The following RNASEH2A variants were observed in gnomAD, a reference collection of about 807,000 sequenced individuals.
The protein encoded by RNASEH2A is RNase H(35).
A neutral mutation model predicts 32.7 loss-of-function variants in RNASEH2A; 30 were observed. The ratio of observed to expected loss-of-function variants is 0.92; its 90% CI spans 0.69 to 1.25. The LOEUF (loss-of-function observed/expected upper bound fraction) is 1.25, where lower values mean the gene tolerates loss of function less well. RNASEH2A is among the 50% of genes most tolerant of loss of function. The pLI, the probability that RNASEH2A is intolerant of heterozygous loss-of-function variation, is 0.00. For missense variants in RNASEH2A, 409 were observed against 398.1 expected (o/e 1.03, Z -0.23); for synonymous variants, 147 against 165.4 (o/e 0.89, Z 0.86).
In RNASEH2A at chr19:12,813,500, A is replaced by G. The variant is rs776379416; in HGVS notation, c.*34A>G. On this transcript the variant is annotated 3_prime_UTR_variant, in exon 8 of 8. Coordinates refer to ENST00000221486, the MANE Select transcript of RNASEH2A (RefSeq NM_006397.3). Reference sequence around the variant, plus strand: ...TCTACGCGCTCTACCTGCTTCCCCAACCCAGACATTAAAATTGTTTAAGGA... The same window carrying G: ...TCTACGCGCTCTACCTGCTTCCCCAGCCCAGACATTAAAATTGTTTAAGGA... 4 of 1,609,566 alleles carry G rather than the reference A, an allele frequency of 2.5e-6. No individual in the cohort carries two copies. The highest frequency in any genetic ancestry group is 1.3e-5 in the African/African-American group (1 of 74,888).
chr19:12,809,747 C>T (rs969249018), intron 4 of RNASEH2A, among the ~76,000 whole-genome samples: 1 of 151,866 alleles, frequency 6.6e-6, no homozygotes, highest in African/African-American at 2.4e-5. Flanking sequence ...AAAGCCTCTT[C>T]AGGAGGTGAG....
At chr19:12,813,001 C>G in intron 6 of RNASEH2A, 82 bp from the exon 7 acceptor site, 1 of 1,595,860 alleles carries the variant, frequency 6.3e-7, no homozygotes, top group Non-Finnish European at 8.5e-7. Flanking sequence ...GGGACTCCAT[C>G]TCAAAGAAAA....
At chr19:12,813,044 G>T (rs764219625) in intron 6 of RNASEH2A, 39 bp from the exon 7 acceptor site, 8 of 1,613,008 alleles carry the variant, frequency 5.0e-6, no homozygotes, top group Non-Finnish European at 6.8e-6. Context: ...GAATGTTATG[G>T]TGCAACTTGG....
In RNASEH2A at chr19:12,813,203, T is replaced by C. The variant is rs145662304; in HGVS notation, c.758T>C (p.Ile253Thr). ...CTGGAGAAAGAGGCGGAAGATGTTA[T>C]ATGGTGGGTGTCATGGATGTCCTGG... ...TILEKEAEDVIWEDSASENQE... is the reference protein window; with the variant it reads ...TILEKEAEDVTWEDSASENQE... Residue 253 changes from isoleucine (I) to threonine (T), a missense_variant, in exon 7 of 8, where the codon ATA becomes ACA. Transcript: ENST00000221486. 210 of 1,613,982 alleles carry C rather than the reference T, an allele frequency of 1.3e-4. No homozygotes were observed. The African/African-American group carries it at 2.3e-3, about 18-fold the overall frequency.
intron 1 of RNASEH2A, 74 bp downstream of exon 1, chr19:12,806,874 C>T (rs1968999851): frequency 3.8e-6 from 6 of 1,595,390 alleles, no homozygotes; most frequent in Admixed American, 1.7e-5. Context: ...GATTGCACTG[C>T]ACCAAGGGAG....
intron 6 of RNASEH2A, among the ~76,000 whole-genome samples, chr19:12,810,882 C>A (rs543241377): frequency 6.6e-6 from 1 of 151,836 alleles, no homozygotes; most frequent in Non-Finnish European, 1.5e-5. Context: ...AGGCTGGTCT[C>A]AAATTCCTGG....
rs1262012443 is a variant in RNASEH2A at position 12,806,751 on chromosome 19, G to T, written c.78G>T (p.Lys26Asn). The T allele has an allele frequency of 6.4e-7, 1 of 1,573,696 alleles. No individual in the cohort carries two copies. The highest frequency in any genetic ancestry group is 1.7e-4 in the Middle Eastern group (1 of 5,884). The change falls in exon 1 of 8, where the codon AAG (lysine) becomes AAT (asparagine). Residue 26 changes from lysine to asparagine, a missense_variant. By Grantham distance (94) the Lys-to-Asn change is moderately conservative. Transcript: ENST00000221486. ...CGCCTGTGCCCGCGGTGTGCCGCAAGGAGCCTTGCGTCCTGGGCGTCGATG... is the reference window on the plus strand; with the variant it reads ...CGCCTGTGCCCGCGGTGTGCCGCAATGAGCCTTGCGTCCTGGGCGTCGATG... ...LSSPVPAVCRKEPCVLGVDEA... is the reference protein window; with the variant it reads ...LSSPVPAVCRNEPCVLGVDEA...
chr19:12,806,893 G>C, intron 1 of RNASEH2A, 93 bp downstream of exon 1: 1 of 1,598,008 alleles, frequency 6.3e-7, no homozygotes, highest in Non-Finnish European at 8.5e-7. Context: ...AGGGGATGTG[G>C]TCGTGGTGAT....
Position 12,813,514 on chromosome 19 carries a change from A to G in RNASEH2A, c.*48A>G. 2 of 1,607,438 alleles carry G rather than the reference A, an allele frequency of 1.2e-6. No homozygotes were observed. The highest frequency in any genetic ancestry group is 1.7e-6 in the Non-Finnish European group (2 of 1,179,802). ...CTGCTTCCCCAACCCAGACATTAAAATTGTTTAAGGAGAACCACACGTAGG... is the reference window on the plus strand; with the variant it reads ...CTGCTTCCCCAACCCAGACATTAAAGTTGTTTAAGGAGAACCACACGTAGG... On this transcript the variant is annotated 3_prime_UTR_variant, in exon 8 of 8. Transcript: ENST00000221486.
chr19:12,811,336 G>A (rs550108536), intron 6 of RNASEH2A, among the ~76,000 whole-genome samples: 2 of 152,250 alleles, frequency 1.3e-5, no homozygotes, highest in South Asian at 2.1e-4. Flanking sequence ...GGGACCAGGC[G>A]TGGTGGCTCA....
chr19:12,813,078 C>T lies in RNASEH2A; in HGVS notation c.638-5C>T. 6.2e-7 allele frequency: 1 copy of T among 1,614,090 alleles called. No individual in the cohort carries two copies. Among genetic ancestry groups the T allele is most frequent in the South Asian group, 1.1e-5 (1 of 91,078 alleles). Reference sequence around the variant, plus strand: ...GGACTGTCACCATTGCCCACCCTACCCCAGATCCCAAGACAAAAGCGTGGT... The same window carrying T: ...GGACTGTCACCATTGCCCACCCTACTCCAGATCCCAAGACAAAAGCGTGGT... On this transcript the variant is annotated splice_polypyrimidine_tract_variant and splice_region_variant and intron_variant, in intron 6 of 7. Transcript: ENST00000221486.
At chr19:12,807,988 C>A in intron 4 of RNASEH2A, 2 of 216,198 alleles carry the variant, frequency 9.3e-6, no homozygotes, top group Non-Finnish European at 1.9e-5. Context: ...CAGTGGCTCA[C>A]GGCTGTAATC....
rs1272599000 is a variant in RNASEH2A at position 12,806,606 on chromosome 19, GA to G, written c.-64del. On this transcript the variant is annotated 5_prime_UTR_variant, in exon 1 of 8. Transcript: ENST00000221486. The stretch of plus-strand genomic sequence containing the variant: ...AGCAGGCGCCGCTTCGAGGCCCGCG[GA>G]AAACGCGCGCCGAGACCCGCTCCTG... The G allele has an allele frequency of 8.4e-6, 13 of 1,548,782 alleles. No individual in the cohort carries two copies. Among genetic ancestry groups the G allele is most frequent in the Middle Eastern group, 1.7e-4 (1 of 5,754 alleles).
intron 4 of RNASEH2A, chr19:12,807,719 G>T: frequency 1.7e-6 from 1 of 588,102 alleles, no homozygotes; most frequent in Non-Finnish European, 3.1e-6. Context: ...ATCACCGGAG[G>T]TCAAGAGTTC....
intron 6 of RNASEH2A, among the ~76,000 whole-genome samples, chr19:12,812,066 C>T (rs1969081566): frequency 6.6e-6 from 1 of 151,880 alleles, no homozygotes; most frequent in African/African-American, 2.4e-5. Context: ...GACAAGACCC[C>T]ATCTCTACAA....
intron 6 of RNASEH2A, among the ~76,000 whole-genome samples, chr19:12,812,082 A>G (rs1256791668): frequency 1.3e-5 from 2 of 152,082 alleles, no homozygotes; most frequent in Non-Finnish European, 2.9e-5. Context: ...TACAAAAAAT[A>G]CAAAAATTAG....
intron 4 of RNASEH2A, among the ~76,000 whole-genome samples, chr19:12,809,861 G>A (rs1274249997): frequency 3.4e-4 from 51 of 152,172 alleles, no homozygotes; most frequent in Non-Finnish European, 4.4e-5. Context: ...CGATCCTCCC[G>A]CCTCAGCCTC....
intron 6 of RNASEH2A, 26 bp downstream of exon 6, chr19:12,810,430 T>C: frequency 3.1e-6 from 5 of 1,593,752 alleles, no homozygotes; most frequent in Non-Finnish European, 4.3e-6. Context: ...ACCATGGTAC[T>C]AATGTTGAAA....
At chr19:12,810,253 A>T (rs374512842) in intron 5 of RNASEH2A, 45 bp downstream of exon 5, 72 of 1,613,990 alleles carry the variant, frequency 4.5e-5, no homozygotes, top group Non-Finnish European at 5.9e-5. Flanking sequence ...ATCCCACTAT[A>T]TAGGGGCCAG....
Sources: gnomAD v4.1 joint callset for allele counts (sites outside exome capture counted in the v4.1 genomes callset) on GRCh38, gnomAD v4.1.1 for gene constraint, MANE v1.5 for transcripts, NCBI Gene and HGNC (gene_info 2026-07-23, HGNC 2026-07-21) for gene names.